The following EPS15L1 variants were observed in gnomAD, a reference collection of about 807,000 sequenced individuals.
EPS15L1 encodes the protein epidermal growth factor receptor pathway substrate 15 like 1, also known as epidermal growth factor receptor substrate 15-like 1.
Under a neutral mutation model 117.1 loss-of-function variants are expected in EPS15L1, and 43 were observed. The ratio of observed to expected loss-of-function variants is 0.37; its 90% confidence interval spans 0.29 to 0.47. The LOEUF (loss-of-function observed/expected upper bound fraction) is 0.47. Ranked by LOEUF, EPS15L1 falls within the 20% of genes least tolerant of loss-of-function variation. EPS15L1 has a pLI of 0.99. For missense variants in EPS15L1, 981 were observed against 1,164.0 expected (o/e 0.84, Z 2.29); for synonymous variants, 459 against 470.5 (o/e 0.98, Z 0.32).
At chr19:16,413,881 GAAT>G in intron 12 of EPS15L1, 36 bp from the exon 13 acceptor site, 4 of 1,524,534 alleles carry the variant, frequency 2.6e-6, no homozygotes, top group Non-Finnish European at 3.6e-6. Flanking sequence ...AAACAAGAGT[GAAT>G]AATAAGCCTC....
Position 16,417,549 on chromosome 19 carries a change from T to G in EPS15L1, c.1193+3A>C. The stretch of plus-strand genomic sequence containing the variant: ...GTGGAGGGAAGGGCCGTTTCCAACA[T>G]ACCTTTGTAACTGGGCAATCTCTTG... On this transcript the variant is annotated splice_donor_region_variant and intron_variant, in intron 12 of 23. Transcript: ENST00000455140. The G allele has an allele frequency of 6.2e-7, 1 of 1,613,024 alleles. No individual in the cohort carries two copies. Among genetic ancestry groups the G allele is most frequent in the Non-Finnish European group, 8.5e-7 (1 of 1,179,052 alleles).
intron 7 of EPS15L1, among the ~76,000 whole-genome samples, chr19:16,431,018 C>T (rs957213972): frequency 2.0e-5 from 3 of 152,120 alleles, no homozygotes; most frequent in African/African-American, 7.2e-5. Flanking sequence ...GCAGGCGGAT[C>T]ACCTGAGGCC....
Position 16,365,504 on chromosome 19 carries a change from A to G in EPS15L1, c.2381-3520T>C, listed in dbSNP as rs954366156. Reference sequence around the variant, plus strand: ...CCTTGATCTTGGACTTTGAGCCTCTAGAACTGCGGGACAATCCATGTCTGC... The same window carrying G: ...CCTTGATCTTGGACTTTGAGCCTCTGGAACTGCGGGACAATCCATGTCTGC... On this transcript the variant is annotated intron_variant, in intron 22 of 23. Transcript: ENST00000455140. The surrounding 1 kb of genome is among the most constrained non-coding windows in gnomAD (Gnocchi z 4.9). Among the ~76,000 whole-genome samples, 3 of 152,218 alleles carry G rather than the reference A, an allele frequency of 2.0e-5. No homozygotes were observed. The highest frequency in any genetic ancestry group is 7.2e-5 in the African/African-American group (3 of 41,452).
intron 1 of EPS15L1, among the ~76,000 whole-genome samples, chr19:16,453,557 C>CA (rs920691317): frequency 6.6e-6 from 1 of 151,914 alleles, no homozygotes; most frequent in African/African-American, 2.4e-5. Context: ...ACTAAAAATA[C>CA]AAAAAATTAG....
chr19:16,363,638 C>T (rs558526861), intron 22 of EPS15L1, among the ~76,000 whole-genome samples: 3 of 152,292 alleles, frequency 2.0e-5, no homozygotes, highest in Admixed American at 1.3e-4. Flanking sequence ...AGCTGGCCTC[C>T]GTTTCCTTAT....
intron 1 of EPS15L1, chr19:16,443,411 C>CT (rs150499993): frequency 0.024 from 3,663 of 152,282 alleles, 120 homozygotes; most frequent in Admixed American, 0.086. Context: ...TCATTTGAAG[C>CT]TAAAAATAAT....
chr19:16,395,263 C>T, intron 17 of EPS15L1, 81 bp downstream of exon 17: 1 of 1,113,714 alleles, frequency 9.0e-7, no homozygotes, highest in Non-Finnish European at 1.3e-6. Flanking sequence ...CATGTCCTTA[C>T]TTTTCTAGTT....
chr19:16,385,682 A>T (rs2092413036), intron 20 of EPS15L1, among the ~76,000 whole-genome samples: 1 of 152,164 alleles, frequency 6.6e-6, no homozygotes, highest in African/African-American at 2.4e-5. Flanking sequence ...GCCCCACGCA[A>T]GCTGCAGGAC....
chr19:16,367,823 A>G (rs991992818), intron 22 of EPS15L1, among the ~76,000 whole-genome samples: 1 of 152,018 alleles, frequency 6.6e-6, no homozygotes, highest in Admixed American at 6.5e-5. Context: ...TACAATTGCA[A>G]ACCATAAAAA....
chr19:16,418,724 AG>A (rs1463020485), intron 10 of EPS15L1, among the ~76,000 whole-genome samples: 1 of 152,138 alleles, frequency 6.6e-6, no homozygotes, highest in East Asian at 1.9e-4. Context: ...TGAGGTCATG[AG>A]GGTGGAGCCT....
chr19:16,407,976 GA>G (rs1312780299), intron 13 of EPS15L1, among the ~76,000 whole-genome samples: 1 of 152,184 alleles, frequency 6.6e-6, no homozygotes, highest in Non-Finnish European at 1.5e-5. Context: ...GTTTGGGGGT[GA>G]TAACACAGAA....
In EPS15L1 at chr19:16,361,848, G is replaced by A. The variant is rs868819541; in HGVS notation, c.2517C>T (p.Asp839=). ...TAGCTGCAGAGGAGGGGACAAATGG[G>A]TCTTTTCCACTAAACGGGTCCCCAA... ...KGFGDPFSGK[D]PFVPSSAAKP... Residue 839 remains aspartate (D), a synonymous_variant, in exon 23 of 24, where the codon GAC becomes GAT. Coordinates refer to ENST00000455140, the MANE Select transcript of EPS15L1 (RefSeq NM_001258374.3). The A allele has an allele frequency of 6.2e-7, 1 of 1,614,114 alleles. No individual in the cohort carries two copies. The highest frequency in any genetic ancestry group is 2.2e-5 in the East Asian group (1 of 44,890).
chr19:16,402,352 G>GA lies in EPS15L1; in HGVS notation c.1759dup (p.Ser587PhefsTer13). 1 of 1,613,418 alleles carries GA rather than the reference G, an allele frequency of 6.2e-7. No individual in the cohort carries two copies. The highest frequency in any genetic ancestry group is 8.5e-7 in the Non-Finnish European group (1 of 1,179,744). ...TCCAAAACTGCCCCTCTCTGCCAGG[G>GA]AGACGCCTTCGCTCAGGTTGGCCAG... On this transcript the variant is annotated frameshift_variant, in exon 16 of 24. Transcript: ENST00000455140. LOFTEE classifies it high-confidence loss of function.
chr19:16,469,675 G>A (rs2093331864), intron 1 of EPS15L1, among the ~76,000 whole-genome samples: 1 of 152,178 alleles, frequency 6.6e-6, no homozygotes, highest in Non-Finnish European at 1.5e-5. Flanking sequence ...TGGGAAAAGT[G>A]CAGACAGGAG....
At chr19:16,412,719 G>C (rs1392563338) in intron 13 of EPS15L1, 3 of 158,562 alleles carry the variant, frequency 1.9e-5, no homozygotes, top group African/African-American at 3.4e-5. Context: ...GGGGTGGGGG[G>C]GGGGGGGGTG....
intron 1 of EPS15L1, among the ~76,000 whole-genome samples, chr19:16,470,382 A>T (rs2093337994): frequency 6.6e-6 from 1 of 151,208 alleles, no homozygotes; most frequent in Admixed American, 6.6e-5. Context: ...GCAATACTCC[A>T]TCTCAAAAAA....
At chr19:16,452,604 G>A (rs73511175) in intron 1 of EPS15L1, among the ~76,000 whole-genome samples, 1 of 148,470 alleles carries the variant, frequency 6.7e-6, no homozygotes, top group Non-Finnish European at 1.5e-5. Flanking sequence ...ACTGCACTCC[G>A]GCCTGCACAA....
intron 1 of EPS15L1, among the ~76,000 whole-genome samples, chr19:16,448,575 G>A (rs2093109424): frequency 6.6e-6 from 1 of 151,468 alleles, no homozygotes; most frequent in Non-Finnish European, 1.5e-5. Context: ...CGGGCGCGGT[G>A]GCTCACACCT....
rs1470940480 is a variant in EPS15L1, at chr19:16,436,783, C to T, written c.372+154G>A. ...GAGGCGTTTCATCCAAGTGCTGTGGCCACTCACACTGAGACAGAAGAGCTG... is the reference window on the plus strand; with the variant it reads ...GAGGCGTTTCATCCAAGTGCTGTGGTCACTCACACTGAGACAGAAGAGCTG... On this transcript the variant is annotated intron_variant, in intron 6 of 23. Transcript: ENST00000455140. 8 of 580,080 alleles carry T rather than the reference C, an allele frequency of 1.4e-5. No individual in the cohort carries two copies. In the East Asian group the frequency reaches 2.4e-4, roughly 17 times the overall value. 35.9% of individuals were successfully genotyped at this position (580,080 alleles called of 1,614,324 possible).
Sources: allele counts gnomAD v4.1 joint callset (sites outside exome capture counted in the v4.1 genomes callset), GRCh38; gene constraint gnomAD v4.1.1; non-coding constraint Gnocchi (gnomAD v3.1); transcripts MANE v1.5; gene names NCBI Gene and HGNC (gene_info 2026-07-23, HGNC 2026-07-21).